Variants in PLPP3 observed in about 807,000 individuals in gnomAD.
PLPP3 encodes the protein PAP2 beta.
A neutral mutation model predicts 29.6 loss-of-function variants in PLPP3; 6 were observed. That is an observed-to-expected ratio of 0.20 (90% CI 0.11 to 0.40). The LOEUF (loss-of-function observed/expected upper bound fraction) is 0.40, where lower values mean the gene tolerates loss of function less well. Among genes scored for constraint, PLPP3 ranks in the 10% least tolerant of loss-of-function variants. The pLI is 1.00. For synonymous variants in PLPP3, 152 were observed against 159.7 expected (o/e 0.95, Z 0.36); for missense variants, 308 against 407.7 (o/e 0.76, Z 2.11).
chr1:56,502,684 C>T (rs919394942), intron 5 of PLPP3, among the ~76,000 whole-genome samples: 21 of 152,162 alleles, frequency 1.4e-4, no homozygotes, highest in Non-Finnish European at 1.5e-4. Flanking sequence ...TCTTTGGTAC[C>T]CATATTGAAC....
chr1:56,571,789 T>C (rs1019959624), intron 1 of PLPP3, among the ~76,000 whole-genome samples: 2 of 152,118 alleles, frequency 1.3e-5, no homozygotes, highest in East Asian at 1.9e-4. Flanking sequence ...TAATTGCAAA[T>C]TGAAAAGTGG....
At chr1:56,515,143 A>G (rs1279842203) in intron 4 of PLPP3, among the ~76,000 whole-genome samples, 1 of 152,210 alleles carries the variant, frequency 6.6e-6, no homozygotes, top group Non-Finnish European at 1.5e-5. Context: ...TCTCACATAT[A>G]AAATAAGTGT....
At chr1:56,574,809 C>T (rs1240176350) in intron 1 of PLPP3, among the ~76,000 whole-genome samples, 1 of 152,120 alleles carries the variant, frequency 6.6e-6, no homozygotes, top group Non-Finnish European at 1.5e-5. Flanking sequence ...CAATTAATGA[C>T]AAATGGTCTA....
At chr1:56,511,169 C>T (rs1327077533) in intron 5 of PLPP3, among the ~76,000 whole-genome samples, 2 of 152,178 alleles carry the variant, frequency 1.3e-5, no homozygotes, top group Non-Finnish European at 2.9e-5. Flanking sequence ...AAAGTAGGTG[C>T]TCAGTCATGT....
chr1:56,519,250 A>G (rs1271445320), intron 4 of PLPP3, among the ~76,000 whole-genome samples: 1 of 152,098 alleles, frequency 6.6e-6, no homozygotes, highest in Non-Finnish European at 1.5e-5. Context: ...TCACACATGT[A>G]GTTCTTCCAG....
intron 5 of PLPP3, among the ~76,000 whole-genome samples, chr1:56,502,049 G>A (rs1348683815): frequency 3.3e-5 from 5 of 152,204 alleles, no homozygotes; most frequent in African/African-American, 1.2e-4. Context: ...GTCCAGCCCT[G>A]CTGGGGTGCT....
chr1:56,539,280 C>G (rs1645952068), intron 1 of PLPP3, among the ~76,000 whole-genome samples: 1 of 152,134 alleles, frequency 6.6e-6, no homozygotes, highest in South Asian at 2.1e-4. Flanking sequence ...ATTAAATTCA[C>G]ATCATGTTGC....
intron 1 of PLPP3, among the ~76,000 whole-genome samples, chr1:56,538,202 C>G (rs1187855941): frequency 6.6e-6 from 1 of 152,178 alleles, no homozygotes; most frequent in Non-Finnish European, 1.5e-5. Context: ...GGACATCTCT[C>G]CAGCTTCATG....
At chr1:56,496,779 C>T (rs1569858267) in intron 5 of PLPP3, 103 bp from the exon 6 acceptor site, 6 of 1,270,524 alleles carry the variant, frequency 4.7e-6, no homozygotes, top group African/African-American at 1.5e-5. Context: ...GAAAAGGGGC[C>T]CCAAATCATA....
At chr1:56,556,934 G>C (rs1424627064) in intron 1 of PLPP3, among the ~76,000 whole-genome samples, 2 of 129,372 alleles carry the variant, frequency 1.5e-5, no homozygotes, top group Admixed American at 1.7e-4. Context: ...GAAAGAGAGA[G>C]AGAGAGAGAG....
intron 1 of PLPP3, among the ~76,000 whole-genome samples, chr1:56,577,984 G>C (rs973757758): frequency 6.6e-6 from 1 of 151,370 alleles, no homozygotes; most frequent in Non-Finnish European, 1.5e-5. Flanking sequence ...TTCTTGTGAA[G>C]CGCTTTCTCC....
At chr1:56,565,575 C>G (rs752403507) in intron 1 of PLPP3, among the ~76,000 whole-genome samples, 1 of 152,078 alleles carries the variant, frequency 6.6e-6, no homozygotes, top group Admixed American at 6.5e-5. Context: ...CACCCGCAAC[C>G]GCACCCGGCT....
chr1:56,551,313 T>TTGGTTTGGTTTGGTTTGGTTTG lies in PLPP3; in HGVS notation c.140-14202_140-14201insCAAACCAAACCAAACCAAACCA, dbSNP rs1267304234. Among the ~76,000 whole-genome samples the TTGGTTTGGTTTGGTTTGGTTTG allele has an allele frequency of 8.4e-4, 123 of 147,004 alleles. 2 individuals are homozygous for TTGGTTTGGTTTGGTTTGGTTTG. Among genetic ancestry groups the TTGGTTTGGTTTGGTTTGGTTTG allele is most frequent in the Non-Finnish European group, 1.4e-3 (91 of 66,080 alleles). ...TTGGTTCGGTTCGGTTCGGTTCGGT[T>TTGGTTTGGTTTGGTTTGGTTTG]CGGTTCGGTTTGGTGGTGTGCAATT... On this transcript the variant is annotated intron_variant, in intron 1 of 5. Transcript: ENST00000371250.
Position 56,557,030 on chromosome 1 carries a change from G to GAGAGAA in PLPP3, c.140-19919_140-19918insTTCTCT, listed in dbSNP as rs1557513680. 4.6e-4 allele frequency among the ~76,000 whole-genome samples: 9 copies of GAGAGAA among 19,476 alleles called. 2 individuals carry two copies. Among genetic ancestry groups the GAGAGAA allele is most frequent in the African/African-American group, 9.4e-4 (8 of 8,538 alleles). 12.8% of individuals were successfully genotyped at this position (19,476 alleles called of 152,430 possible). A position where few individuals can be genotyped will look rare whatever the true frequency, so the allele number is the denominator to read the frequency against. ...AGAAAGAGAGAGAGAGAGAGAAAGA[G>GAGAGAA]AGAGAGAGAGAGAGAGAGAGAGAGA... On this transcript the variant is annotated intron_variant, in intron 1 of 5. Transcript: ENST00000371250.
intron 1 of PLPP3, among the ~76,000 whole-genome samples, chr1:56,544,556 A>G (rs928015181): frequency 2.0e-5 from 3 of 152,212 alleles, no homozygotes; most frequent in African/African-American, 7.2e-5. Flanking sequence ...TTTAATTCTC[A>G]AAACAATTTT....
intron 1 of PLPP3, among the ~76,000 whole-genome samples, chr1:56,537,879 T>C (rs1015616221): frequency 6.6e-6 from 1 of 152,196 alleles, no homozygotes; most frequent in Non-Finnish European, 1.5e-5. Flanking sequence ...CAGTTGCTGC[T>C]GGTTATCAGT....
intron 1 of PLPP3, among the ~76,000 whole-genome samples, chr1:56,547,153 C>T (rs1192188355): frequency 6.6e-6 from 1 of 152,142 alleles, no homozygotes; most frequent in Non-Finnish European, 1.5e-5. Flanking sequence ...AGGTTGAGGG[C>T]CCCCTCTGTC....
chr1:56,559,281 G>A (rs1646105270), intron 1 of PLPP3, among the ~76,000 whole-genome samples: 1 of 152,174 alleles, frequency 6.6e-6, no homozygotes, highest in African/African-American at 2.4e-5. Flanking sequence ...TATGGATAAA[G>A]GTAGTTATCA....
intron 5 of PLPP3, among the ~76,000 whole-genome samples, chr1:56,508,741 A>G (rs1557498168): frequency 1.3e-5 from 2 of 152,128 alleles, no homozygotes; most frequent in African/African-American, 4.8e-5. Context: ...ATAAAGCTGC[A>G]AAACCCATGA....
Sources: gnomAD v4.1 joint callset for allele counts (sites outside exome capture counted in the v4.1 genomes callset) on GRCh38, gnomAD v4.1.1 for gene constraint, MANE v1.5 for transcripts, NCBI Gene and HGNC (gene_info 2026-07-23, HGNC 2026-07-21) for gene names.